The following CRTC3 variants were observed in gnomAD, a reference collection of about 807,000 sequenced individuals.
CRTC3 encodes the protein CREB regulated transcription coactivator 3.
In CRTC3, 26 loss-of-function variants were observed where a neutral mutation model predicts 74.5. That is an observed-to-expected ratio of 0.35 (90% CI 0.26 to 0.48). The LOEUF is 0.48. CRTC3 is among the 20% of genes least tolerant of loss of function. The probability of loss-of-function intolerance (pLI) is 0.99; values close to 1 mark genes in which losing one functional copy is unlikely to be tolerated. For synonymous variants in CRTC3, 377 were observed against 325.8 expected (o/e 1.16, Z -1.69); for missense variants, 760 against 787.3 (o/e 0.97, Z 0.41).
intron 2 of CRTC3, among the ~76,000 whole-genome samples, chr15:90,554,542 T>C (rs1966873510): frequency 6.6e-6 from 1 of 152,232 alleles, no homozygotes; most frequent in South Asian, 2.1e-4. Context: ...TGCTCCTGCT[T>C]CCACTGCTGT....
In CRTC3 at chr15:90,644,468, TGCCTG is replaced by T; in HGVS notation, c.*2331_*2335del. On this transcript the variant is annotated 3_prime_UTR_variant, in exon 15 of 15. Transcript: ENST00000268184. ...CAGTTTGTCTGCACAGCAGCCACCC[TGCCTG>T]GCAACAGAGACCCCAAGACCTACAC... 1 of 232,150 alleles carries T rather than the reference TGCCTG, an allele frequency of 4.3e-6. No individual in the cohort carries two copies. The allele number at this position is 232,150 out of a possible 1,614,324, so 14.4% of individuals were successfully genotyped here.
At chr15:90,620,919 A>T (rs1240475110) in intron 9 of CRTC3, among the ~76,000 whole-genome samples, 1 of 152,136 alleles carries the variant, frequency 6.6e-6, no homozygotes, top group Non-Finnish European at 1.5e-5. Flanking sequence ...GGCACTCTCT[A>T]CTGAGTACCT....
intron 6 of CRTC3, 58 bp downstream of exon 6, chr15:90,607,536 C>A: frequency 9.1e-7 from 1 of 1,099,398 alleles, no homozygotes; most frequent in Non-Finnish European, 1.4e-6. Flanking sequence ...GTCCTAGGAA[C>A]CAAGGGAGAG....
chr15:90,623,981 G>A (rs1198965978), intron 9 of CRTC3, among the ~76,000 whole-genome samples: 2 of 152,284 alleles, frequency 1.3e-5, no homozygotes, highest in East Asian at 3.9e-4. Flanking sequence ...AAGCTCAGAT[G>A]TCCTCCAAGG....
intron 2 of CRTC3, among the ~76,000 whole-genome samples, chr15:90,560,352 A>C (rs1966984990): frequency 6.6e-6 from 1 of 152,228 alleles, no homozygotes; most frequent in African/African-American, 2.4e-5. Flanking sequence ...TCTCAGAGCC[A>C]AGTAGACCCA....
chr15:90,614,988 C>T (rs113291249), intron 7 of CRTC3, among the ~76,000 whole-genome samples: 1,665 of 152,160 alleles, frequency 0.011, 15 homozygotes, highest in Middle Eastern at 0.027. Context: ...CGCTTGAACA[C>T]GGGAGGCGGA....
In CRTC3 at chr15:90,617,959, G is replaced by A. The variant is rs144818109; in HGVS notation, c.690G>A (p.Glu230=). The A allele has an allele frequency of 5.0e-6, 8 of 1,602,896 alleles. No individual in the cohort carries two copies. In the African/African-American group the frequency reaches 1.1e-4, roughly 21 times the overall value. The change falls in exon 8 of 15, where the codon GAG becomes GAA. Residue 230 remains glutamate (E), a synonymous_variant. Transcript: ENST00000268184. The part of the protein sequence containing the change: ...VPKPLPKQLW[E]TKEIQSLSGR... ...AGCCACTGCCAAAACAACTGTGGGAGACCAAGGAGGTGGGTGAACAGTACT... is the reference window on the plus strand; with the variant it reads ...AGCCACTGCCAAAACAACTGTGGGAAACCAAGGAGGTGGGTGAACAGTACT...
At chr15:90,598,117 A>G in intron 3 of CRTC3, 1 of 297,770 alleles carries the variant, frequency 3.4e-6, no homozygotes, top group Non-Finnish European at 6.4e-6. Flanking sequence ...CTGCCCCACA[A>G]ACTGTGTCCC....
chr15:90,634,972 T>C, intron 11 of CRTC3: 1 of 1,476,620 alleles, frequency 6.8e-7, no homozygotes, highest in East Asian at 2.3e-5. Context: ...AAAGTAGTTC[T>C]AGATGACAAG....
chr15:90,614,407 T>A, intron 6 of CRTC3, 46 bp from the exon 7 acceptor site: 1 of 1,382,478 alleles, frequency 7.2e-7, no homozygotes, highest in Non-Finnish European at 1.0e-6. Context: ...AAAATGAAAG[T>A]ACCACATAAA....
chr15:90,588,375 A>G lies in CRTC3; in HGVS notation c.232-5261A>G, dbSNP rs539265792. Among the ~76,000 whole-genome samples the G allele has an allele frequency of 2.8e-4, 42 of 151,176 alleles. 1 individual carries two copies. The highest frequency in any genetic ancestry group is 1.0e-3 in the African/African-American group (41 of 40,496). On this transcript the variant is annotated intron_variant, in intron 2 of 14. Transcript: ENST00000268184. ...AACAATCCAAAAACTCAGACTCTCA[A>G]CAAACATTTATTTTTCACTCATATT...
At chr15:90,575,328 G>A (rs542586936) in intron 2 of CRTC3, among the ~76,000 whole-genome samples, 1 of 152,302 alleles carries the variant, frequency 6.6e-6, no homozygotes, top group Admixed American at 6.5e-5. Flanking sequence ...TCTAGACTGG[G>A]CTAGAAGGAT....
intron 2 of CRTC3, among the ~76,000 whole-genome samples, chr15:90,593,380 C>A (rs1967844489): frequency 6.6e-6 from 1 of 152,140 alleles, no homozygotes; most frequent in African/African-American, 2.4e-5. Context: ...GATTCTCCTC[C>A]CCCAATTGCA....
chr15:90,602,078 A>G (rs1968084900), intron 3 of CRTC3, among the ~76,000 whole-genome samples: 1 of 152,198 alleles, frequency 6.6e-6, no homozygotes. Flanking sequence ...CCTGAAAACA[A>G]AAGTTGCCGG....
At chr15:90,558,277 T>G (rs1235736062) in intron 2 of CRTC3, among the ~76,000 whole-genome samples, 1 of 152,164 alleles carries the variant, frequency 6.6e-6, no homozygotes, top group African/African-American at 2.4e-5. Context: ...CTGACTGGGC[T>G]TCTGGCAGAG....
intron 2 of CRTC3, among the ~76,000 whole-genome samples, chr15:90,568,983 A>G (rs7168388): frequency 0.79 from 118,952 of 151,112 alleles, 47,055 homozygotes; most frequent in African/African-American, 0.85. Flanking sequence ...GTAAACAAGT[A>G]TAACGAAACT....
At chr15:90,552,473 C>T (rs1224710940) in intron 2 of CRTC3, among the ~76,000 whole-genome samples, 1 of 152,156 alleles carries the variant, frequency 6.6e-6, no homozygotes, top group Non-Finnish European at 1.5e-5. Context: ...GCTCATTATT[C>T]CTGATCACCC....
At chr15:90,616,830 G>A (rs1277211136) in intron 7 of CRTC3, among the ~76,000 whole-genome samples, 6 of 152,186 alleles carry the variant, frequency 3.9e-5, no homozygotes, top group East Asian at 1.9e-4. Flanking sequence ...GCCAACAGCC[G>A]TCCCGGCAGC....
At chr15:90,545,896 G>T (rs1412740599) in intron 2 of CRTC3, among the ~76,000 whole-genome samples, 1 of 152,084 alleles carries the variant, frequency 6.6e-6, no homozygotes, top group Non-Finnish European at 1.5e-5. Context: ...TTTTTAAATT[G>T]AGTTGTTAAT....
Sources: gnomAD v4.1 joint callset for allele counts (sites outside exome capture counted in the v4.1 genomes callset) on GRCh38, gnomAD v4.1.1 for gene constraint, MANE v1.5 for transcripts, NCBI Gene and HGNC (gene_info 2026-07-23, HGNC 2026-07-21) for gene names.